The following KCNIP1 variants were observed in gnomAD, a reference collection of about 807,000 sequenced individuals.
KCNIP1 encodes potassium voltage-gated channel interacting protein 1.
A neutral mutation model predicts 33.0 loss-of-function variants in KCNIP1; 18 were observed. That is an observed-to-expected ratio of 0.55 (90% CI 0.38 to 0.81). KCNIP1 has a LOEUF of 0.81. KCNIP1 is among the 30% of genes least tolerant of loss of function. KCNIP1 has a pLI of 0.00. For synonymous variants in KCNIP1, 93 were observed against 98.3 expected, an observed-to-expected ratio of 0.95 and a Z score of 0.32; for missense variants, 238 against 271.6, an observed-to-expected ratio of 0.88 and a Z score of 0.87.
intron 2 of KCNIP1, among the ~76,000 whole-genome samples, chr5:170,719,727 G>T (rs1763753195): frequency 6.6e-6 from 1 of 152,132 alleles, no homozygotes; most frequent in Admixed American, 6.5e-5. Context: ...CAGGTGCTGG[G>T]ATGCCTCTTC....
intron 1 of KCNIP1, among the ~76,000 whole-genome samples, chr5:170,651,600 C>G (rs923962920): frequency 6.6e-6 from 1 of 152,170 alleles, no homozygotes; most frequent in Non-Finnish European, 1.5e-5. Context: ...CCGCCACCCC[C>G]CCAGCTGATT....
chr5:170,529,277 T>A (rs1387558020), intron 1 of KCNIP1, among the ~76,000 whole-genome samples: 1 of 152,172 alleles, frequency 6.6e-6, no homozygotes, highest in Non-Finnish European at 1.5e-5. Context: ...AGCAGCCCCA[T>A]ATTTACAGCC....
intron 1 of KCNIP1, among the ~76,000 whole-genome samples, chr5:170,670,748 C>G (rs949769996): frequency 6.6e-6 from 1 of 151,988 alleles, no homozygotes; most frequent in African/African-American, 2.4e-5. Flanking sequence ...AAAAATTTAG[C>G]CAGGTGTGGT....
At chr5:170,547,284 T>C (rs1364385745) in intron 1 of KCNIP1, among the ~76,000 whole-genome samples, 1 of 152,238 alleles carries the variant, frequency 6.6e-6, no homozygotes, top group Non-Finnish European at 1.5e-5. Flanking sequence ...TAGCTTGTTT[T>C]ATTTATAACT....
intron 1 of KCNIP1, among the ~76,000 whole-genome samples, chr5:170,681,987 C>T (rs1762367010): frequency 6.6e-6 from 1 of 152,182 alleles, no homozygotes; most frequent in African/African-American, 2.4e-5. Flanking sequence ...TAGTGTATAT[C>T]CAAAGTATGT....
At chr5:170,361,087 G>A (rs1007366413) in intron 1 of KCNIP1, among the ~76,000 whole-genome samples, 5 of 152,358 alleles carry the variant, frequency 3.3e-5, no homozygotes, top group Admixed American at 2.6e-4. Context: ...ATGCTCTGCT[G>A]GGGGACTGCC....
chr5:170,527,478 G>A (rs77974241), intron 1 of KCNIP1, among the ~76,000 whole-genome samples: 16,614 of 151,912 alleles, frequency 0.11, 1,167 homozygotes, highest in Middle Eastern at 0.23. Context: ...CCCTCTCAAA[G>A]CCTCAGTTAG....
chr5:170,418,634 A>C (rs946025769), intron 1 of KCNIP1, among the ~76,000 whole-genome samples: 1 of 152,164 alleles, frequency 6.6e-6, no homozygotes, highest in Non-Finnish European at 1.5e-5. Flanking sequence ...ACTCTGCAAC[A>C]TTCCATTCAG....
At chr5:170,678,727 T>C (rs930524942) in intron 1 of KCNIP1, among the ~76,000 whole-genome samples, 6 of 151,958 alleles carry the variant, frequency 3.9e-5, no homozygotes, top group African/African-American at 1.5e-4. Flanking sequence ...CCCAGGAAAA[T>C]GGCTGAGAGG....
chr5:170,528,125 G>A (rs949093510), intron 1 of KCNIP1, among the ~76,000 whole-genome samples: 2 of 152,174 alleles, frequency 1.3e-5, no homozygotes, highest in East Asian at 3.9e-4. Context: ...CCTGGGGCCT[G>A]CCCTGGAGGA....
chr5:170,419,063 G>A (rs1296297966), intron 1 of KCNIP1, among the ~76,000 whole-genome samples: 1 of 152,268 alleles, frequency 6.6e-6, no homozygotes, highest in Non-Finnish European at 1.5e-5. Flanking sequence ...CAGGTGCAAA[G>A]TCTACGTGGT....
intron 5 of KCNIP1, among the ~76,000 whole-genome samples, chr5:170,727,668 G>A (rs1275668009): frequency 6.6e-6 from 1 of 152,202 alleles, no homozygotes; most frequent in Non-Finnish European, 1.5e-5. Flanking sequence ...TCTGTTTAAA[G>A]GCTCATACCT....
At chr5:170,443,825 G>C (rs1446546948) in intron 1 of KCNIP1, among the ~76,000 whole-genome samples, 1 of 152,204 alleles carries the variant, frequency 6.6e-6, no homozygotes, top group Non-Finnish European at 1.5e-5. Context: ...GCAGGCGGGG[G>C]GTGCCCACAG....
chr5:170,685,507 G>T (rs1270262079), intron 1 of KCNIP1, among the ~76,000 whole-genome samples: 3 of 151,230 alleles, frequency 2.0e-5, no homozygotes, highest in African/African-American at 7.3e-5. Context: ...TTATTTGTTT[G>T]AGACCGAGTC....
At chr5:170,693,479 G>A (rs1444427703) in intron 1 of KCNIP1, among the ~76,000 whole-genome samples, 5 of 152,118 alleles carry the variant, frequency 3.3e-5, no homozygotes, top group Admixed American at 6.5e-5. Context: ...CACAGACTAG[G>A]CAACACCAGA....
chr5:170,677,046 C>A (rs964556388), intron 1 of KCNIP1, among the ~76,000 whole-genome samples: 1 of 152,180 alleles, frequency 6.6e-6, no homozygotes, highest in African/African-American at 2.4e-5. Flanking sequence ...CCAGACTATA[C>A]GTACTCAATA....
chr5:170,551,203 T>C (rs1343482444), intron 1 of KCNIP1, among the ~76,000 whole-genome samples: 1 of 152,266 alleles, frequency 6.6e-6, no homozygotes, highest in Non-Finnish European at 1.5e-5. Flanking sequence ...TGAGAGCCTC[T>C]CTGGGGCTTT....
At chr5:170,724,724 G>T (rs995891110) in intron 5 of KCNIP1, among the ~76,000 whole-genome samples, 4 of 152,176 alleles carry the variant, frequency 2.6e-5, no homozygotes, top group Admixed American at 2.0e-4. Flanking sequence ...AAGAAAAATA[G>T]CATCAAAAAG....
At position 170,521,799 on chromosome 5, in the gene KCNIP1, A is replaced by G. The variant is rs187471502; in HGVS notation, c.61+17166A>G. Among the ~76,000 whole-genome samples the G allele has an allele frequency of 2.7e-3, 411 of 152,368 alleles. 3 individuals are homozygous for G. The highest frequency in any genetic ancestry group is 8.9e-3 in the African/African-American group (370 of 41,594). On this transcript the variant is annotated intron_variant, in intron 1 of 7. Transcript: ENST00000328939. ...ATACTTTAGGGTAACCCTAGCTGCT[A>G]TAACAAATAAACCCCAATATTGCAG...
Sources: allele counts gnomAD v4.1 joint callset (sites outside exome capture counted in the v4.1 genomes callset), GRCh38; gene constraint gnomAD v4.1.1; transcripts MANE v1.5; gene names NCBI Gene and HGNC (gene_info 2026-07-23, HGNC 2026-07-21).